The following KIRREL3 variants were observed in gnomAD, a reference collection of about 807,000 sequenced individuals.
KIRREL3 encodes the protein kin of IRRE-like protein 3.
In KIRREL3, 36 loss-of-function variants were observed where a neutral mutation model predicts 89.7. The ratio of observed to expected loss-of-function variants is 0.40; its 90% CI spans 0.31 to 0.53. The LOEUF is 0.53. KIRREL3 is among the 20% of genes least tolerant of loss of function. The pLI, the probability that KIRREL3 is intolerant of heterozygous loss-of-function variation, is 0.49. For missense variants in KIRREL3, 864 were observed against 1,056.6 expected, an observed-to-expected ratio of 0.82 and a Z score of 2.53; for synonymous variants, 445 against 441.4, an observed-to-expected ratio of 1.01 and a Z score of -0.10.
rs577456095 is a variant in KIRREL3, at chr11:126,949,624, C to A, written c.55+50831G>T. On this transcript the variant is annotated intron_variant, in intron 1 of 16. Coordinates refer to ENST00000525144, the MANE Select transcript of KIRREL3 (RefSeq NM_032531.4). ...CAAAAGGGAGAGATTGCCTGAGCAG[C>A]ATGCTGTTGTTAGACAAATCGGAAT... Among the ~76,000 whole-genome samples, 61 of 152,318 alleles carry A rather than the reference C, an allele frequency of 4.0e-4. 2 individuals carry two copies. In the South Asian group the frequency reaches 0.013, roughly 32 times the overall value.
chr11:126,679,834 C>G (rs1349515823), intron 1 of KIRREL3, among the ~76,000 whole-genome samples: 1 of 152,136 alleles, frequency 6.6e-6, no homozygotes, highest in Non-Finnish European at 1.5e-5. Flanking sequence ...CTTGCCCCAG[C>G]CAATTGGATG....
At chr11:126,540,665 G>A (rs984090330) in intron 2 of KIRREL3, among the ~76,000 whole-genome samples, 6 of 152,252 alleles carry the variant, frequency 3.9e-5, no homozygotes, top group Non-Finnish European at 7.3e-5. Context: ...ACACTGATAA[G>A]TGCTGCTGGA....
intron 12 of KIRREL3, among the ~76,000 whole-genome samples, chr11:126,436,543 C>T (rs1010782452): frequency 1.3e-5 from 2 of 152,254 alleles, no homozygotes; most frequent in South Asian, 2.1e-4. Flanking sequence ...TGGTCACCTC[C>T]CACTGAAGCA....
At chr11:126,473,210 C>T in intron 5 of KIRREL3, 99 bp downstream of exon 5, 1 of 823,270 alleles carries the variant, frequency 1.2e-6, no homozygotes, top group East Asian at 3.8e-5. Context: ...CCCCTCCTTA[C>T]CTAGCCTCCT....
intron 1 of KIRREL3, among the ~76,000 whole-genome samples, chr11:126,580,500 T>G (rs1253178918): frequency 6.6e-6 from 1 of 152,152 alleles, no homozygotes; most frequent in Non-Finnish European, 1.5e-5. Flanking sequence ...GCAGGACCTG[T>G]GCAGGGAAGT....
chr11:127,000,866 T>C (rs1358914406), upstream of KIRREL3: 8 of 412,122 alleles, frequency 1.9e-5, no homozygotes, highest in African/African-American at 1.6e-4. The surrounding 1 kb of genome is among the most constrained non-coding windows in gnomAD (Gnocchi z 7.1). Flanking sequence ...CTCCTTTCAC[T>C]GAAGCTGAGG....
In KIRREL3 at chr11:126,608,112, G is replaced by C. The variant is rs1373371094; in HGVS notation, c.56-45200C>G. On this transcript the variant is annotated intron_variant, in intron 1 of 16. Transcript: ENST00000525144. This position sits in a 1 kb window ranked among gnomAD's most constrained non-coding sequence, Gnocchi z 4.9. ...TTAGACCACCCCACAGGTGGGACAG[G>C]GTGGGCCCAGGTGGAGTCTGAGCTG... is the stretch of plus-strand genomic sequence containing the variant. Among the ~76,000 whole-genome samples the C allele has an allele frequency of 3.9e-5, 6 of 152,194 alleles. No individual in the cohort carries two copies. Among genetic ancestry groups the C allele is most frequent in the Non-Finnish European group, 8.8e-5 (6 of 68,026 alleles).
intron 1 of KIRREL3, among the ~76,000 whole-genome samples, chr11:126,727,145 C>T (rs892869771): frequency 4.6e-5 from 7 of 152,236 alleles, no homozygotes; most frequent in African/African-American, 1.7e-4. Context: ...CCACTCCATC[C>T]ATGTTCATGA....
At position 126,443,247 on chromosome 11, in the gene KIRREL3, C is replaced by T. The variant is rs749991291; in HGVS notation, c.1252+1732G>A. ...GGTCATAGGGCCAGCAGAGCAGAGCCGGCTGCAGGCACAGACAGCCTGACT... is the reference window on the plus strand; with the variant it reads ...GGTCATAGGGCCAGCAGAGCAGAGCTGGCTGCAGGCACAGACAGCCTGACT... On this transcript the variant is annotated intron_variant, in intron 10 of 16. Transcript: ENST00000525144. The surrounding 1 kb of genome is among the most constrained non-coding windows in gnomAD (Gnocchi z 7.3). Among the ~76,000 whole-genome samples the T allele has an allele frequency of 2.2e-4, 34 of 152,264 alleles. No individual in the cohort carries two copies. The highest frequency in any genetic ancestry group is 7.2e-4 in the Admixed American group (11 of 15,298).
At chr11:126,450,732 G>A (rs1039281677) in intron 7 of KIRREL3, among the ~76,000 whole-genome samples, 27 of 114,446 alleles carry the variant, frequency 2.4e-4, no homozygotes, top group Middle Eastern at 6.6e-3. Flanking sequence ...TGTGAATGTG[G>A]GCATGTGTGA....
At position 126,463,388 on chromosome 11, in the gene KIRREL3, C is replaced by T; in HGVS notation, c.592-81G>A. The stretch of plus-strand genomic sequence containing the variant: ...AGCCTGGGTTGGGGGTAAACGAGCA[C>T]CAGCTTAGACAGAAGGGGGAGCTGT... On this transcript the variant is annotated intron_variant, in intron 5 of 16. Coordinates refer to ENST00000525144, the MANE Select transcript of KIRREL3 (RefSeq NM_032531.4). The surrounding 1 kb of genome is among the most constrained non-coding windows in gnomAD (Gnocchi z 5.9). 1 of 1,387,300 alleles carries T rather than the reference C, an allele frequency of 7.2e-7. No individual in the cohort carries two copies. The highest frequency in any genetic ancestry group is 2.0e-5 in the Admixed American group (1 of 49,044). The allele number at this position is 1,387,300 out of a possible 1,614,324, so 85.9% of individuals were successfully genotyped here.
chr11:126,518,648 T>C (rs1001868046), intron 4 of KIRREL3, among the ~76,000 whole-genome samples: 1 of 152,184 alleles, frequency 6.6e-6, no homozygotes, highest in African/African-American at 2.4e-5. Context: ...GCAAAGCAGA[T>C]GGGGTCTTGG....
chr11:126,809,899 A>G (rs191666645), intron 1 of KIRREL3, among the ~76,000 whole-genome samples: 38 of 152,208 alleles, frequency 2.5e-4, no homozygotes, highest in African/African-American at 9.1e-4. Context: ...TTAACTTGAG[A>G]TGGTCTGAAT....
chr11:126,513,724 G>A lies in KIRREL3; in HGVS notation c.433+7591C>T, dbSNP rs1958304480. On this transcript the variant is annotated intron_variant, in intron 4 of 16. Coordinates refer to ENST00000525144, the MANE Select transcript of KIRREL3 (RefSeq NM_032531.4). The surrounding 1 kb of genome is among the most constrained non-coding windows in gnomAD (Gnocchi z 5.9). ...GATTATGGGGGCAGGGAGATTGTGG[G>A]GGGCGACCTTGGAGTGCAGCAGGAG... Among the ~76,000 whole-genome samples, 1 of 152,088 alleles carries A rather than the reference G, an allele frequency of 6.6e-6. No homozygotes were observed. Among genetic ancestry groups the A allele is most frequent in the Non-Finnish European group, 1.5e-5 (1 of 68,012 alleles).
rs187070941 is a variant in KIRREL3, at chr11:126,724,895, C to T, written c.56-161983G>A. Among the ~76,000 whole-genome samples, 3 of 152,344 alleles carry T rather than the reference C, an allele frequency of 2.0e-5. No homozygotes were observed. The East Asian group carries it at 5.8e-4, about 29-fold the overall frequency. On this transcript the variant is annotated intron_variant, in intron 1 of 16. Transcript: ENST00000525144. The surrounding 1 kb of genome is among the most constrained non-coding windows in gnomAD (Gnocchi z 4.3). ...GATCAACTTGTCAGTTAGTCATTCA[C>T]TTAATGAGTATTTATTGTACCTTGA...
At position 126,734,557 on chromosome 11, in the gene KIRREL3, G is replaced by A. The variant is rs553185414; in HGVS notation, c.56-171645C>T. On this transcript the variant is annotated intron_variant, in intron 1 of 16. Transcript: ENST00000525144. This position sits in a 1 kb window ranked among gnomAD's most constrained non-coding sequence, Gnocchi z 5.9. The stretch of plus-strand genomic sequence containing the variant: ...GCGTGCCTGTAATCCCAGCTACTTG[G>A]GAGGCTGAGACAAGAGAATCACTTG... Among the ~76,000 whole-genome samples, 91 of 152,238 alleles carry A rather than the reference G, an allele frequency of 6.0e-4. No individual in the cohort carries two copies. Among genetic ancestry groups the A allele is most frequent in the African/African-American group, 2.0e-3 (85 of 41,556 alleles).
At chr11:126,799,371 T>C (rs1272937403) in intron 1 of KIRREL3, among the ~76,000 whole-genome samples, 1 of 48,104 alleles carries the variant, frequency 2.1e-5, no homozygotes, top group East Asian at 7.2e-4. Flanking sequence ...TCTGTGTATC[T>C]GTGTGTGCAT....
intron 6 of KIRREL3, among the ~76,000 whole-genome samples, chr11:126,457,510 T>C (rs146507617): frequency 6.3e-4 from 95 of 151,852 alleles, no homozygotes; most frequent in African/African-American, 1.9e-3. Flanking sequence ...TGTGTGTATG[T>C]GTGTGTGTAT....
intron 2 of KIRREL3, among the ~76,000 whole-genome samples, chr11:126,552,550 GTTTTTTTTTTTT>G (rs59392843): frequency 1.5e-3 from 120 of 81,770 alleles, no homozygotes; most frequent in Admixed American, 2.8e-3. Context: ...AGAGAGAAAA[GTTTTTTTTTTTT>G]TTTTTTTTTT....
Sources: gnomAD v4.1 joint callset for allele counts (sites outside exome capture counted in the v4.1 genomes callset) on GRCh38, gnomAD v4.1.1 for gene constraint, Gnocchi (gnomAD v3.1) non-coding constraint, MANE v1.5 for transcripts, NCBI Gene and HGNC (gene_info 2026-07-23, HGNC 2026-07-21) for gene names.